MYH9: variants seen among roughly 807,000 people sequenced by gnomAD.
MYH9 encodes myosin-9.
MYH9 carries 29 observed loss-of-function variants against 241.9 expected under a neutral mutation model. The observed-to-expected ratio is 0.12, with a 90% confidence interval of 0.09 to 0.16. The LOEUF (loss-of-function observed/expected upper bound fraction) is 0.16, where lower values mean the gene tolerates loss of function less well. MYH9 is among the 10% of genes least tolerant of loss of function. The pLI, the probability that MYH9 is intolerant of heterozygous loss-of-function variation, is 1.00. For synonymous variants in MYH9, 1,047 were observed against 1,062.6 expected (o/e 0.99, Z 0.29); for missense variants, 1,803 against 2,595.5 (o/e 0.69, Z 6.63).
chr22:36,350,926 C>G (rs908458910), intron 1 of MYH9, among the ~76,000 whole-genome samples: 12 of 152,096 alleles, frequency 7.9e-5, no homozygotes, highest in African/African-American at 2.7e-4. Flanking sequence ...TTTTTTCCCT[C>G]TATGAGATCA....
Position 36,302,646 on chromosome 22 carries a change from G to C in MYH9, c.2421C>G (p.Thr807=). ...AGTTCCGCTGGAGGACCTTCATGGC[G>C]GTAAGCTGCTGCTGCCGCTTGGCAA... is the stretch of plus-strand genomic sequence containing the variant. ...KAFAKRQQQL[T]AMKVLQRNCA... is the part of the protein sequence containing the mutation. The change falls in exon 20 of 41, where the codon ACC becomes ACG. Residue 807 remains threonine, a synonymous_variant. Coordinates refer to ENST00000216181, the MANE Select transcript of MYH9 (RefSeq NM_002473.6). 1 of 1,613,434 alleles carries C rather than the reference G, an allele frequency of 6.2e-7. No homozygotes were observed. Among genetic ancestry groups the C allele is most frequent in the South Asian group, 1.1e-5 (1 of 91,086 alleles).
intron 27 of MYH9, 144 bp from the exon 28 acceptor site, chr22:36,294,442 G>C: frequency 3.6e-6 from 3 of 839,060 alleles, no homozygotes; most frequent in Non-Finnish European, 5.7e-6. Context: ...CAGACGGCTC[G>C]GGCCTCATCT....
intron 1 of MYH9, among the ~76,000 whole-genome samples, chr22:36,379,465 C>T (rs550827837): frequency 3.9e-5 from 6 of 152,222 alleles, no homozygotes; most frequent in East Asian, 3.9e-4. Context: ...GCTGAGATCG[C>T]GCCACTGCAC....
chr22:36,378,908 AG>A (rs2018213260), intron 1 of MYH9, among the ~76,000 whole-genome samples: 1 of 152,214 alleles, frequency 6.6e-6, no homozygotes, highest in Middle Eastern at 3.4e-3. Context: ...GAGCGAAACC[AG>A]GGGCCAAGGT....
In MYH9 at chr22:36,305,885, C is replaced by T. The variant is rs377282135; in HGVS notation, c.2159+45G>A. ...CAGCCCACCTCTGGGACTCACTGCA[C>T]GCACAGCAGGGCCCAGGAGAAGCGG... On this transcript the variant is annotated intron_variant, in intron 17 of 40. Coordinates refer to ENST00000216181, the MANE Select transcript of MYH9 (RefSeq NM_002473.6). The surrounding 1 kb of genome is among the most constrained non-coding windows in gnomAD (Gnocchi z 4.7). The T allele has an allele frequency of 3.2e-5, 52 of 1,611,056 alleles. No homozygotes were observed. In the South Asian group the frequency reaches 3.3e-4, roughly 10 times the overall value.
At chr22:36,368,271 C>T (rs1003712198) in intron 1 of MYH9, among the ~76,000 whole-genome samples, 16 of 152,228 alleles carry the variant, frequency 1.1e-4, no homozygotes, top group African/African-American at 3.9e-4. Flanking sequence ...TAGCACACAG[C>T]ACTCTTGTGA....
intron 18 of MYH9, among the ~76,000 whole-genome samples, 180 bp from the exon 19 acceptor site, chr22:36,304,335 C>T (rs1241617325): frequency 6.6e-6 from 1 of 152,178 alleles, no homozygotes; most frequent in Middle Eastern, 3.2e-3. Context: ...TCCCCGTCAC[C>T]GAACGCAGGC....
At position 36,295,055 on chromosome 22, in the gene MYH9, C is replaced by T; in HGVS notation, c.3507G>A (p.Val1169=). 6.2e-7 allele frequency: 1 copy of T among 1,614,186 alleles called. No homozygotes were observed. Among genetic ancestry groups the T allele is most frequent in the Non-Finnish European group, 8.5e-7 (1 of 1,180,040 alleles). The change falls in exon 27 of 41, where the codon GTG becomes GTA. Residue 1169 remains valine (V), a synonymous_variant. Transcript: ENST00000216181. The surrounding 1 kb of genome is among the most constrained non-coding windows in gnomAD (Gnocchi z 4.1). ...QELRSKREQE[V]NILKKTLEEE... is the part of the protein sequence containing the mutation. Reference sequence around the variant, plus strand: ...CCTCCAGGGTCTTCTTCAGGATGTTCACCTCCTGCTCACGTTTTGACCTGG... The same window carrying T: ...CCTCCAGGGTCTTCTTCAGGATGTTTACCTCCTGCTCACGTTTTGACCTGG...
chr22:36,339,811 A>C (rs528571139), intron 3 of MYH9, among the ~76,000 whole-genome samples: 2 of 152,228 alleles, frequency 1.3e-5, no homozygotes, highest in Non-Finnish European at 2.9e-5. Context: ...AGTCAGGATT[A>C]CATATGCCAG....
intron 40 of MYH9, 86 bp downstream of exon 40, chr22:36,284,007 G>T: frequency 6.6e-7 from 1 of 1,516,872 alleles, no homozygotes; most frequent in Non-Finnish European, 9.1e-7. Flanking sequence ...TGACATTCGT[G>T]CCTTGCTTGT....
Position 36,320,443 on chromosome 22 carries a change from G to T in MYH9, c.869-80C>A. The stretch of plus-strand genomic sequence containing the variant: ...CATCAGCGCTGTGACCTCAAAGGTT[G>T]GAGAGACTGGGACAGACCCTGAGCC... On this transcript the variant is annotated intron_variant, in intron 8 of 40. Transcript: ENST00000216181. The surrounding 1 kb of genome is among the most constrained non-coding windows in gnomAD (Gnocchi z 4.8). 1 of 1,567,074 alleles carries T rather than the reference G, an allele frequency of 6.4e-7. No individual in the cohort carries two copies. Among genetic ancestry groups the T allele is most frequent in the Non-Finnish European group, 8.7e-7 (1 of 1,149,818 alleles).
chr22:36,344,569 C>T (rs1007909274), intron 2 of MYH9, among the ~76,000 whole-genome samples: 1 of 152,208 alleles, frequency 6.6e-6, no homozygotes, highest in Non-Finnish European at 1.5e-5. Context: ...CAATGGGCCT[C>T]TTAGTGATGA....
chr22:36,335,274 G>C (rs552663503), intron 3 of MYH9, among the ~76,000 whole-genome samples: 80 of 152,390 alleles, frequency 5.2e-4, no homozygotes, highest in Non-Finnish European at 9.1e-4. Flanking sequence ...AGCCAGCACA[G>C]AGAGACCAGC....
intron 2 of MYH9, among the ~76,000 whole-genome samples, chr22:36,344,455 ATCC>A (rs2017642864): frequency 4.4e-5 from 1 of 22,806 alleles, no homozygotes; most frequent in Non-Finnish European, 1.2e-4. Flanking sequence ...GCACCTCCCC[ATCC>A]AGGCAGCACC....
At chr22:36,372,366 G>A (rs1354362914) in intron 1 of MYH9, among the ~76,000 whole-genome samples, 3 of 151,948 alleles carry the variant, frequency 2.0e-5, no homozygotes, top group African/African-American at 7.3e-5. Flanking sequence ...GTGTGCACCT[G>A]TAGTCACAGC....
At chr22:36,299,155 G>T in intron 23 of MYH9, 113 bp from the exon 24 acceptor site, 1 of 1,372,870 alleles carries the variant, frequency 7.3e-7, no homozygotes. Context: ...GGCTTTAGAC[G>T]CTTGATCAAG....
At position 36,285,841 on chromosome 22, in the gene MYH9, A is replaced by T; in HGVS notation, c.5150+24T>A. 6.2e-7 allele frequency: 1 copy of T among 1,610,634 alleles called. No homozygotes were observed. Among genetic ancestry groups the T allele is most frequent in the Non-Finnish European group, 8.5e-7 (1 of 1,177,668 alleles). On this transcript the variant is annotated intron_variant, in intron 36 of 40. Transcript: ENST00000216181. The surrounding 1 kb of genome is among the most constrained non-coding windows in gnomAD (Gnocchi z 7.0). ...CTGGGGACACACCTGGTCCCCCCCAACTCTGCCCCCTCACTCAGCTCACCC... is the reference window on the plus strand; with the variant it reads ...CTGGGGACACACCTGGTCCCCCCCATCTCTGCCCCCTCACTCAGCTCACCC...
intron 3 of MYH9, among the ~76,000 whole-genome samples, chr22:36,327,792 C>T (rs1362434047): frequency 1.3e-5 from 2 of 152,196 alleles, no homozygotes; most frequent in Non-Finnish European, 1.5e-5. Context: ...GAAAACTCTC[C>T]AGGAGTCGAC....
rs1178168753 is a variant in MYH9, at chr22:36,281,826, C to T, written c.*842G>A. The T allele has an allele frequency of 2.2e-5, 5 of 231,066 alleles. No homozygotes were observed. The highest frequency in any genetic ancestry group is 6.1e-5 in the East Asian group (1 of 16,298). 14.3% of individuals were successfully genotyped at this position (231,066 alleles called of 1,614,324 possible). On this transcript the variant is annotated 3_prime_UTR_variant, in exon 41 of 41. Coordinates refer to ENST00000216181, the MANE Select transcript of MYH9 (RefSeq NM_002473.6). ...CTGGGAGGGCCGCTGGCCCCTCTAA[C>T]GCTCTGGCTGTCAGACTTGGGACAA...
Sources: allele counts gnomAD v4.1 joint callset (sites outside exome capture counted in the v4.1 genomes callset), GRCh38; gene constraint gnomAD v4.1.1; non-coding constraint Gnocchi (gnomAD v3.1); transcripts MANE v1.5; gene names NCBI Gene and HGNC (gene_info 2026-07-23, HGNC 2026-07-21).